The following CFAP161 variants were observed in gnomAD, a reference collection of about 807,000 sequenced individuals.
CFAP161 encodes the protein cilia- and flagella-associated protein 161.
CFAP161 carries 25 observed loss-of-function variants against 29.0 expected under a neutral mutation model. That is an observed-to-expected ratio of 0.86 (90% CI 0.63 to 1.20). The LOEUF (loss-of-function observed/expected upper bound fraction) is 1.20, where lower values mean the gene tolerates loss of function less well. CFAP161 is among the 50% of genes most tolerant of loss of function. CFAP161 has a pLI of 0.00. For synonymous variants in CFAP161, 116 were observed against 137.4 expected (o/e 0.84, Z 1.09); for missense variants, 367 against 371.9 (o/e 0.99, Z 0.11).
At chr15:81,131,511 A>T (rs1567155927), upstream of CFAP161, among the ~76,000 whole-genome samples, 2 of 152,336 alleles carry the variant, frequency 1.3e-5, no homozygotes, top group East Asian at 3.9e-4. Flanking sequence ...CCGAATGTAA[A>T]TTCTGTAGTT....
At chr15:81,116,504 T>C (rs921131650) in intron 1 of CFAP161, among the ~76,000 whole-genome samples, 2 of 151,986 alleles carry the variant, frequency 1.3e-5, no homozygotes, top group Middle Eastern at 3.2e-3. Context: ...ACCATGTTGG[T>C]CAGGCTGGTC....
intron 4 of CFAP161, among the ~76,000 whole-genome samples, chr15:81,139,999 A>G (rs918552742): frequency 1.6e-4 from 25 of 152,136 alleles, no homozygotes; most frequent in African/African-American, 5.1e-4. Flanking sequence ...AATTTCTCCT[A>G]TATTTTAAGT....
At chr15:81,136,454 C>T in intron 2 of CFAP161, 62 bp from the exon 3 acceptor site, 1 of 1,467,856 alleles carries the variant, frequency 6.8e-7, no homozygotes, top group Admixed American at 1.7e-5. Context: ...AAGAAAATTG[C>T]CTTGGCAGTA....
intron 4 of CFAP161, among the ~76,000 whole-genome samples, chr15:81,140,712 T>G (rs980753083): frequency 5.3e-5 from 8 of 151,942 alleles, no homozygotes; most frequent in African/African-American, 1.9e-4. Context: ...GTGCACACCA[T>G]TATACCTGGC....
chr15:81,106,129 T>C (rs1894369729), intron 1 of CFAP161, among the ~76,000 whole-genome samples: 1 of 152,142 alleles, frequency 6.6e-6, no homozygotes, highest in Non-Finnish European at 1.5e-5. Context: ...CTGAGGGAGA[T>C]GACTTCTAAG....
chr15:81,118,692 T>G (rs1316632111), intron 1 of CFAP161, among the ~76,000 whole-genome samples: 1 of 152,232 alleles, frequency 6.6e-6, no homozygotes, highest in Non-Finnish European at 1.5e-5. Context: ...CGGGCTGTAC[T>G]CTAGCGAGGC....
At chr15:81,120,873 G>C (rs1894563442) in intron 1 of CFAP161, among the ~76,000 whole-genome samples, 1 of 152,168 alleles carries the variant, frequency 6.6e-6, no homozygotes, top group African/African-American at 2.4e-5. Context: ...AAACTAATTA[G>C]ATATCTGGAT....
chr15:81,104,605 A>C (rs931633402), intron 1 of CFAP161, among the ~76,000 whole-genome samples: 10 of 152,238 alleles, frequency 6.6e-5, no homozygotes, highest in Admixed American at 1.3e-4. Flanking sequence ...TTGCATTTGG[A>C]TCTCACAGGC....
intron 4 of CFAP161, among the ~76,000 whole-genome samples, chr15:81,142,184 A>T (rs1342679147): frequency 1.3e-5 from 2 of 151,818 alleles, no homozygotes; most frequent in African/African-American, 4.8e-5. Context: ...GCAGCCCCTC[A>T]GCAACCCAGG....
intron 1 of CFAP161, among the ~76,000 whole-genome samples, chr15:81,125,705 G>A (rs960056307): frequency 1.3e-5 from 2 of 151,962 alleles, no homozygotes; most frequent in Admixed American, 6.6e-5. Context: ...TCTGACCAAC[G>A]ACATCAGATT....
chr15:81,135,364 C>CTTT lies in CFAP161; in HGVS notation c.159+16_159+18dup, dbSNP rs369139890. 1.5e-5 allele frequency: 19 copies of CTTT among 1,270,230 alleles called. No homozygotes were observed. Among genetic ancestry groups the CTTT allele is most frequent in the Non-Finnish European group, 1.7e-5 (16 of 935,622 alleles). 78.7% of individuals were successfully genotyped at this position (1,270,230 alleles called of 1,614,324 possible). On this transcript the variant is annotated splice_donor_region_variant and intron_variant, in intron 2 of 6. Transcript: ENST00000286732. ...AAACAGAATCTCTTGAGACCGGTAA[C>CTTT]TTTTTTTTTTTTTATTACACTTTAA...
At chr15:81,108,403 C>T (rs1894401256) in intron 1 of CFAP161, among the ~76,000 whole-genome samples, 1 of 151,836 alleles carries the variant, frequency 6.6e-6, no homozygotes, top group South Asian at 2.1e-4. Flanking sequence ...GATGAGTGTT[C>T]CCACAGTTGT....
At position 81,106,837 on chromosome 15, in the gene CFAP161, G is replaced by A. The variant is rs934080435; in HGVS notation, c.-141-20753G>A. Among the ~76,000 whole-genome samples the A allele has an allele frequency of 1.3e-5, 2 of 152,250 alleles. 1 individual carries two copies. ...TCCCAGGACTTTGGGAGGCCGAGGC[G>A]GGTGGATCACTTGAGCCCAGGAGTT... On this transcript the variant is annotated intron_variant, in intron 1 of 4. Transcript: ENST00000560091.
At chr15:81,117,827 ACTC>A (rs1319490464) in intron 1 of CFAP161, 2 of 324,408 alleles carry the variant, frequency 6.2e-6, no homozygotes, top group African/African-American at 2.3e-5. Context: ...TCTTCATCCA[ACTC>A]CTCTTCTTCA....
At position 81,143,747 on chromosome 15, in the gene CFAP161, C is replaced by A. The variant is rs1170060568; in HGVS notation, c.563C>A (p.Ser188Tyr). 2 of 1,614,010 alleles carry A rather than the reference C, an allele frequency of 1.2e-6. No individual in the cohort carries two copies. Among genetic ancestry groups the A allele is most frequent in the African/African-American group, 2.7e-5 (2 of 74,912 alleles). ...GAAGTGTACCTAACAGATGAGGTCTCCCATGTGAACTGCTGGCAGGCTGCC... is the reference window on the plus strand; with the variant it reads ...GAAGTGTACCTAACAGATGAGGTCTACCATGTGAACTGCTGGCAGGCTGCC... ...LQEVYLTDEV[S>Y]HVNCWQAAFP... The change falls in exon 5 of 7, where the codon TCC (serine) becomes TAC (tyrosine). Residue 188 changes from serine to tyrosine, a missense_variant. By Grantham distance (144) the Ser-to-Tyr change is moderately radical (BLOSUM62 -2). Coordinates refer to ENST00000286732, the MANE Select transcript of CFAP161 (RefSeq NM_173528.4).
At chr15:81,100,139 G>T (rs1399703714) in intron 1 of CFAP161, among the ~76,000 whole-genome samples, 1 of 151,136 alleles carries the variant, frequency 6.6e-6, no homozygotes, top group Non-Finnish European at 1.5e-5. Context: ...CAGGTTTTTG[G>T]TATAGTCTGG....
chr15:81,148,449 C>T lies in CFAP161; in HGVS notation c.822C>T (p.Ala274=), dbSNP rs759178696. 3 of 1,614,074 alleles carry T rather than the reference C, an allele frequency of 1.9e-6. No individual in the cohort carries two copies. The highest frequency in any genetic ancestry group is 1.3e-5 in the African/African-American group (1 of 74,902). The part of the protein sequence containing the change: ...WMLVTGNPRD[A]SSSMLDLPKP... ...TGGTTACTGGGAATCCCAGGGATGCCTCGTCCTCCATGTTGGATCTGCCCA... is the reference window on the plus strand; with the variant it reads ...TGGTTACTGGGAATCCCAGGGATGCTTCGTCCTCCATGTTGGATCTGCCCA... Residue 274 remains alanine (A), a synonymous_variant, in exon 7 of 7, where the codon GCC becomes GCT. Coordinates refer to ENST00000286732, the MANE Select transcript of CFAP161 (RefSeq NM_173528.4).
chr15:81,103,118 T>A (rs1486858113), intron 1 of CFAP161, among the ~76,000 whole-genome samples: 1 of 152,186 alleles, frequency 6.6e-6, no homozygotes, highest in Non-Finnish European at 1.5e-5. Context: ...ATTGAGCACT[T>A]AGTATGAGCC....
intron 1 of CFAP161, among the ~76,000 whole-genome samples, chr15:81,127,039 G>T (rs1216942095): frequency 6.6e-6 from 1 of 152,186 alleles, no homozygotes; most frequent in Non-Finnish European, 1.5e-5. Context: ...TTGCCTATCA[G>T]TTTGAAAATG....
Sources: gnomAD v4.1 joint callset for allele counts (sites outside exome capture counted in the v4.1 genomes callset) on GRCh38, gnomAD v4.1.1 for gene constraint, MANE v1.5 for transcripts, NCBI Gene and HGNC (gene_info 2026-07-23, HGNC 2026-07-21) for gene names.